The following SLK variants were observed in gnomAD, a reference collection of about 807,000 sequenced individuals.
SLK encodes STE20 like kinase.
In SLK, 67 loss-of-function variants were observed where a neutral mutation model predicts 147.7. The ratio of observed to expected loss-of-function variants is 0.45; its 90% CI spans 0.37 to 0.56. The LOEUF (loss-of-function observed/expected upper bound fraction) is 0.56. SLK is among the 20% of genes least tolerant of loss of function. The pLI, the probability that SLK is intolerant of heterozygous loss-of-function variation, is 0.00. For synonymous variants in SLK, 441 were observed against 475.0 expected, an observed-to-expected ratio of 0.93 and a Z score of 0.93; for missense variants, 1,136 against 1,438.8, an observed-to-expected ratio of 0.79 and a Z score of 3.41.
intron 9 of SLK, among the ~76,000 whole-genome samples, chr10:104,004,908 T>C (rs945265113): frequency 6.6e-6 from 1 of 152,174 alleles, no homozygotes; most frequent in Admixed American, 6.6e-5. Flanking sequence ...CAGCCAAATC[T>C]GGTACTTTTG....
chr10:104,008,200 G>A lies in SLK; in HGVS notation c.2628G>A (p.Gln876=). Reference sequence around the variant, plus strand: ...AGAGTAAAAAGCGACAATATGACCAGGAAATTGAGAATCTAGAAAAACAGC... The same window carrying A: ...AGAGTAAAAAGCGACAATATGACCAAGAAATTGAGAATCTAGAAAAACAGC... ...EMMSKKRQYD[Q]EIENLEKQQK... is the part of the protein sequence containing the mutation. Residue 876 remains glutamine, a synonymous_variant, in exon 12 of 19, where the codon CAG becomes CAA. Coordinates refer to ENST00000369755, the MANE Select transcript of SLK (RefSeq NM_014720.4). 1.2e-6 allele frequency: 2 copies of A among 1,612,842 alleles called. No individual in the cohort carries two copies. Among genetic ancestry groups the A allele is most frequent in the Non-Finnish European group, 1.7e-6 (2 of 1,179,692 alleles).
At position 104,027,373 on chromosome 10, in the gene SLK, A is replaced by G. The variant is rs1305669126; in HGVS notation, c.*1653A>G. On this transcript the variant is annotated 3_prime_UTR_variant, in exon 19 of 19. Coordinates refer to ENST00000369755, the MANE Select transcript of SLK (RefSeq NM_014720.4). ...CCAAGTTTGTTTTTTATATAAATAT[A>G]TATACATATATACATATTATGTATG... The G allele has an allele frequency of 6.6e-6, 1 of 152,506 alleles. No individual in the cohort carries two copies. The highest frequency in any genetic ancestry group is 1.5e-5 in the Non-Finnish European group (1 of 68,012). The allele number at this position is 152,506 out of a possible 1,614,324, so 9.4% of individuals were successfully genotyped here.
intron 1 of SLK, among the ~76,000 whole-genome samples, chr10:103,974,052 C>T (rs565114713): frequency 8.6e-5 from 13 of 152,030 alleles, no homozygotes; most frequent in East Asian, 1.9e-4. Flanking sequence ...ATCCTCTGTT[C>T]GTGGTGATGT....
intron 13 of SLK, among the ~76,000 whole-genome samples, chr10:104,015,471 T>G (rs1844451042): frequency 6.6e-6 from 1 of 152,242 alleles, no homozygotes; most frequent in South Asian, 2.1e-4. Flanking sequence ...CTTTGAGTTT[T>G]CTGTGGTTTA....
intron 2 of SLK, among the ~76,000 whole-genome samples, chr10:103,991,439 A>C (rs1844092092): frequency 6.6e-6 from 1 of 152,160 alleles, no homozygotes; most frequent in African/African-American, 2.4e-5. Context: ...AGTTTAATCA[A>C]GAGGACTTTT....
At chr10:103,981,168 T>C (rs1382989198) in intron 1 of SLK, among the ~76,000 whole-genome samples, 1 of 149,088 alleles carries the variant, frequency 6.7e-6, no homozygotes, top group Admixed American at 6.7e-5. Context: ...TATTTTTGAA[T>C]TGGGCTAGTT....
At chr10:103,992,504 C>CT in intron 2 of SLK, 94 bp from the exon 3 acceptor site, 1 of 1,136,096 alleles carries the variant, frequency 8.8e-7, no homozygotes, top group Non-Finnish European at 1.2e-6. Context: ...ATAGCTATTT[C>CT]TTTATCTTTT....
chr10:104,008,364 T>TA lies in SLK; in HGVS notation c.2784+11dup. On this transcript the variant is annotated intron_variant, in intron 12 of 18. Transcript: ENST00000369755. ...AAGAACCGAAAGAAGGAGGTAAGTG[T>TA]AAACTACTGTTTTTAATTACTAAAG... 1 of 1,580,504 alleles carries TA rather than the reference T, an allele frequency of 6.3e-7. No homozygotes were observed. The highest frequency in any genetic ancestry group is 1.9e-5 in the Admixed American group (1 of 52,474).
intron 1 of SLK, among the ~76,000 whole-genome samples, chr10:103,983,772 T>A (rs1214301116): frequency 6.6e-6 from 1 of 151,954 alleles, no homozygotes; most frequent in Non-Finnish European, 1.5e-5. Flanking sequence ...ATCATAACCC[T>A]TCATAACACC....
chr10:104,021,840 T>G (rs200802550), intron 18 of SLK, 107 bp downstream of exon 18: 1 of 388,312 alleles, frequency 2.6e-6, no homozygotes, highest in Non-Finnish European at 4.7e-6. Context: ...GCAGGAAACA[T>G]AGAGATGAAA....
rs1429586846 is a variant in SLK at position 104,008,286 on chromosome 10, A to G, written c.2714A>G (p.Lys905Arg). The G allele has an allele frequency of 6.2e-7, 1 of 1,614,086 alleles. No individual in the cohort carries two copies. ...ACAAATCGCTTGCGAGATGAAGCCA[A>G]ACGCATCAAAGGAGAACAAGAGAAA... is the stretch of plus-strand genomic sequence containing the variant. Reference protein sequence around the residue: ...EHTNRLRDEAKRIKGEQEKEL... With the variant: ...EHTNRLRDEARRIKGEQEKEL... The change falls in exon 12 of 19, where the codon AAA becomes AGA. Residue 905 changes from lysine (K) to arginine (R), a missense_variant. Physicochemically the swap from Lys to Arg is conservative, Grantham distance 26. Around this residue, in one of 6 missense-constraint regions of SLK, gnomAD observed 327 missense variants for 457.5 expected, o/e 0.71. Coordinates refer to ENST00000369755, the MANE Select transcript of SLK (RefSeq NM_014720.4).
intron 7 of SLK, 107 bp from the exon 8 acceptor site, chr10:104,001,337 C>A: frequency 1.2e-6 from 1 of 857,722 alleles, no homozygotes; most frequent in Admixed American, 2.4e-5. Flanking sequence ...CATTTTCCTG[C>A]CCACATGTTC....
chr10:103,997,197 C>T (rs1331346070), intron 4 of SLK, among the ~76,000 whole-genome samples: 1 of 152,120 alleles, frequency 6.6e-6, no homozygotes, highest in Admixed American at 6.5e-5. Context: ...TTGTGACTGG[C>T]GTATTTTACT....
rs777931927 is a variant in SLK at position 104,002,910 on chromosome 10, G to T, written c.1732G>T (p.Val578Phe). ...GCAGAGTAATGATGGGAAAGAAGTG[G>T]TCGAAGTAGGCCAGAAATTAATTAA... is the stretch of plus-strand genomic sequence containing the variant. Reference protein sequence around the residue: ...DTQSNDGKEVVEVGQKLINKP... With the variant: ...DTQSNDGKEVFEVGQKLINKP... The change falls in exon 9 of 19, where the codon GTC becomes TTC. Residue 578 changes from valine to phenylalanine, a missense_variant. By Grantham distance (50) the Val-to-Phe change is conservative. Coordinates refer to ENST00000369755, the MANE Select transcript of SLK (RefSeq NM_014720.4). The T allele has an allele frequency of 1.2e-6, 2 of 1,614,182 alleles. No homozygotes were observed. The highest frequency in any genetic ancestry group is 2.2e-5 in the South Asian group (2 of 91,086).
At chr10:104,000,072 C>G in intron 7 of SLK, 124 bp downstream of exon 7, 1 of 466,794 alleles carries the variant, frequency 2.1e-6, no homozygotes, top group Non-Finnish European at 3.9e-6. Context: ...CAGTAGTTAA[C>G]ATTTGCTTTA....
chr10:103,999,927 G>C lies in SLK; in HGVS notation c.843G>C (p.Trp281Cys). ...KCLEKNVDAR[W>C]TTSQLLQHPF... The stretch of plus-strand genomic sequence containing the variant: ...TAGAAAAGAATGTGGATGCCAGGTG[G>C]ACTACATCTCAGCTGCTGCAGGTAA... Residue 281 changes from tryptophan to cysteine, a missense_variant, in exon 7 of 19, where the codon TGG (tryptophan) becomes TGC (cysteine). By Grantham distance (215) the Trp-to-Cys change is radical. Around this residue, in one of 6 missense-constraint regions of SLK, gnomAD observed 141 missense variants for 219.3 expected, o/e 0.64. Coordinates refer to ENST00000369755, the MANE Select transcript of SLK (RefSeq NM_014720.4). The C allele has an allele frequency of 6.5e-7, 1 of 1,548,754 alleles. No individual in the cohort carries two copies. The highest frequency in any genetic ancestry group is 1.7e-5 in the Admixed American group (1 of 57,638).
chr10:104,003,576 A>G, intron 9 of SLK, 49 bp downstream of exon 9: 5 of 1,440,218 alleles, frequency 3.5e-6, no homozygotes, highest in African/African-American at 1.4e-5. Context: ...CATTTTCTCA[A>G]TTCAGAGTTT....
At chr10:104,003,749 A>C (rs1421066560) in intron 9 of SLK, among the ~76,000 whole-genome samples, 1 of 152,256 alleles carries the variant, frequency 6.6e-6, no homozygotes, top group Non-Finnish European at 1.5e-5. Flanking sequence ...GACCTGATGC[A>C]GATAAACAGT....
chr10:103,990,408 G>T (rs562655385), intron 1 of SLK, among the ~76,000 whole-genome samples: 2 of 152,192 alleles, frequency 1.3e-5, no homozygotes, highest in Admixed American at 6.5e-5. Context: ...ATGGGGGGGT[G>T]GTTATGCATG....
Sources: gnomAD v4.1 joint callset for allele counts (sites outside exome capture counted in the v4.1 genomes callset) on GRCh38, gnomAD v4.1.1 for gene constraint, gnomAD v4.1.1 regional missense constraint, MANE v1.5 for transcripts, NCBI Gene and HGNC (gene_info 2026-07-23, HGNC 2026-07-21) for gene names.